Variants in KIRREL3 observed in about 807,000 individuals in gnomAD.
KIRREL3 encodes kin of IRRE-like protein 3.
Under a neutral mutation model 89.7 loss-of-function variants are expected in KIRREL3, and 36 were observed. The ratio of observed to expected loss-of-function variants is 0.40; its 90% CI spans 0.31 to 0.53. KIRREL3 has a LOEUF of 0.53. Ranked by LOEUF, KIRREL3 falls within the 20% of genes least tolerant of loss-of-function variation. The pLI, the probability that KIRREL3 is intolerant of heterozygous loss-of-function variation, is 0.49. For synonymous variants in KIRREL3, 445 were observed against 441.4 expected, an observed-to-expected ratio of 1.01 and a Z score of -0.10; for missense variants, 864 against 1,056.6, an observed-to-expected ratio of 0.82 and a Z score of 2.53.
intron 1 of KIRREL3, among the ~76,000 whole-genome samples, chr11:126,741,294 T>A (rs962437952): frequency 6.6e-6 from 1 of 152,204 alleles, no homozygotes; most frequent in African/African-American, 2.4e-5. Context: ...GATATTAATA[T>A]GCATATAATT....
chr11:126,567,995 T>G (rs1024265404), intron 1 of KIRREL3, among the ~76,000 whole-genome samples: 1 of 152,098 alleles, frequency 6.6e-6, no homozygotes, highest in African/African-American at 2.4e-5. Flanking sequence ...AGTTCAGGTG[T>G]GCTTGCTGAA....
chr11:126,539,759 C>G (rs1211590912), intron 2 of KIRREL3, among the ~76,000 whole-genome samples: 1 of 152,138 alleles, frequency 6.6e-6, no homozygotes, highest in African/African-American at 2.4e-5. Flanking sequence ...GTAGTTGGGT[C>G]AATGGTTCTG....
At chr11:126,588,938 A>AAG (rs1942003041) in intron 1 of KIRREL3, among the ~76,000 whole-genome samples, 2 of 152,078 alleles carry the variant, frequency 1.3e-5, no homozygotes, top group Non-Finnish European at 2.9e-5. Context: ...TCCAGCAGGG[A>AAG]GCTTGCTGCA....
chr11:126,690,563 T>C (rs1300597299), intron 1 of KIRREL3, among the ~76,000 whole-genome samples: 1 of 152,116 alleles, frequency 6.6e-6, no homozygotes, highest in African/African-American at 2.4e-5. Context: ...GTTTTCTGGG[T>C]GTCCCTAGGT....
intron 1 of KIRREL3, among the ~76,000 whole-genome samples, chr11:126,585,026 C>T (rs1208268583): frequency 1.3e-5 from 2 of 151,716 alleles, no homozygotes; most frequent in Admixed American, 1.3e-4. Flanking sequence ...TTACGCCATT[C>T]TCCTGCCTCA....
chr11:126,438,587 C>T (rs1279884494), intron 11 of KIRREL3, among the ~76,000 whole-genome samples: 2 of 152,190 alleles, frequency 1.3e-5, no homozygotes, highest in East Asian at 3.8e-4. Flanking sequence ...GGCCTAGAAT[C>T]AGATATTTCT....
rs77772313 is a variant in KIRREL3, at chr11:126,803,912, T to G, written c.55+196543A>C. 1.1e-3 allele frequency among the ~76,000 whole-genome samples: 160 copies of G among 152,300 alleles called. 2 individuals carry two copies. The East Asian group carries it at 0.024, about 23-fold the overall frequency. ...AAGGCAATGGGTAATAACATCAAAT[T>G]GGAAGCGGGCCCTTTGTGGTCAGAC... On this transcript the variant is annotated intron_variant, in intron 1 of 16. Transcript: ENST00000525144.
intron 6 of KIRREL3, among the ~76,000 whole-genome samples, chr11:126,460,781 G>T (rs1053441107): frequency 1.3e-5 from 2 of 152,194 alleles, no homozygotes; most frequent in African/African-American, 4.8e-5. Flanking sequence ...TGCCTGGAGA[G>T]GTTCTCCTGG....
rs2134847319 is a variant in KIRREL3, at chr11:126,623,066, A to G, written c.56-60154T>C. On this transcript the variant is annotated intron_variant, in intron 1 of 16. Transcript: ENST00000525144. The surrounding 1 kb of genome is among the most constrained non-coding windows in gnomAD (Gnocchi z 4.1). ...CTAATATGATATTTACAATTTACAA[A>G]GCGTTATCCACTAGTTATCTCACTG... Among the ~76,000 whole-genome samples, 1 of 152,284 alleles carries G rather than the reference A, an allele frequency of 6.6e-6. No individual in the cohort carries two copies. The highest frequency in any genetic ancestry group is 1.9e-4 in the East Asian group (1 of 5,184).
chr11:126,858,631 G>C (rs1438542004), intron 1 of KIRREL3, among the ~76,000 whole-genome samples: 2 of 152,160 alleles, frequency 1.3e-5, no homozygotes, highest in Non-Finnish European at 2.9e-5. Context: ...TAAGAGGTCA[G>C]TAGCAGTGTC....
chr11:126,790,221 G>A (rs75383566), intron 1 of KIRREL3, among the ~76,000 whole-genome samples: 106 of 152,268 alleles, frequency 7.0e-4, no homozygotes, highest in African/African-American at 2.2e-3. Context: ...TGAGGTCACC[G>A]AACATTGCAC....
intron 6 of KIRREL3, among the ~76,000 whole-genome samples, chr11:126,460,084 T>G (rs1956493677): frequency 7.1e-6 from 1 of 139,878 alleles, no homozygotes; most frequent in Non-Finnish European, 1.5e-5. Context: ...AATGAACAAA[T>G]GAATAAATGG....
intron 1 of KIRREL3, among the ~76,000 whole-genome samples, chr11:126,810,255 T>A (rs1367984475): frequency 3.3e-5 from 5 of 152,120 alleles, no homozygotes; most frequent in Non-Finnish European, 5.9e-5. Context: ...AAAATAAATC[T>A]TCTATTCACA....
At position 126,498,923 on chromosome 11, in the gene KIRREL3, G is replaced by A. The variant is rs1957762684; in HGVS notation, c.433+22392C>T. 6.6e-6 allele frequency among the ~76,000 whole-genome samples: 1 copy of A among 152,232 alleles called. No homozygotes were observed. Among genetic ancestry groups the A allele is most frequent in the African/African-American group, 2.4e-5 (1 of 41,462 alleles). On this transcript the variant is annotated intron_variant, in intron 4 of 16. Transcript: ENST00000525144. The surrounding 1 kb of genome is among the most constrained non-coding windows in gnomAD (Gnocchi z 4.3). ...GGTCCGCCTGTAATCCCAGCACTTT[G>A]GGAGGTGGAGGCGGGTGGATCACCT...
At position 126,772,320 on chromosome 11, in the gene KIRREL3, G is replaced by T. The variant is rs1950043440; in HGVS notation, c.56-209408C>A. On this transcript the variant is annotated intron_variant, in intron 1 of 16. Transcript: ENST00000525144. The surrounding 1 kb of genome is among the most constrained non-coding windows in gnomAD (Gnocchi z 4.6). Reference sequence around the variant, plus strand: ...TGTAAGACCAGACTCTTAAATTCAAGGCAGCTAAGACCGGTTCAGGGACAG... The same window carrying T: ...TGTAAGACCAGACTCTTAAATTCAATGCAGCTAAGACCGGTTCAGGGACAG... Among the ~76,000 whole-genome samples, 1 of 152,188 alleles carries T rather than the reference G, an allele frequency of 6.6e-6. No individual in the cohort carries two copies. The highest frequency in any genetic ancestry group is 2.4e-5 in the African/African-American group (1 of 41,442).
At chr11:126,842,317 C>T (rs1310719999) in intron 1 of KIRREL3, among the ~76,000 whole-genome samples, 4 of 152,162 alleles carry the variant, frequency 2.6e-5, no homozygotes, top group Non-Finnish European at 4.4e-5. Flanking sequence ...TTTCTATGAG[C>T]TCATTTTAGA....
chr11:126,826,196 C>T (rs1272791824), intron 1 of KIRREL3, among the ~76,000 whole-genome samples: 8 of 152,158 alleles, frequency 5.3e-5, no homozygotes, highest in Non-Finnish European at 1.2e-4. Flanking sequence ...ACCTGCTTTT[C>T]TTGCTAGATA....
intron 1 of KIRREL3, among the ~76,000 whole-genome samples, chr11:126,818,738 T>G (rs2134446440): frequency 6.6e-6 from 1 of 152,226 alleles, no homozygotes; most frequent in East Asian, 1.9e-4. Flanking sequence ...ACAGATATTC[T>G]CCTGCAAACA....
rs1236245569 is a variant in KIRREL3 at position 126,612,499 on chromosome 11, C to T, written c.56-49587G>A. The stretch of plus-strand genomic sequence containing the variant: ...GGGGTTAGTCTTTTTTAAGTACATT[C>T]GTTAAAAAAGAGATGTTGTTCATAT... On this transcript the variant is annotated intron_variant, in intron 1 of 16. Transcript: ENST00000525144. This position sits in a 1 kb window ranked among gnomAD's most constrained non-coding sequence, Gnocchi z 4.5. 6.6e-6 allele frequency among the ~76,000 whole-genome samples: 1 copy of T among 152,104 alleles called. No homozygotes were observed.
Sources: allele counts gnomAD v4.1 joint callset (sites outside exome capture counted in the v4.1 genomes callset), GRCh38; gene constraint gnomAD v4.1.1; non-coding constraint Gnocchi (gnomAD v3.1); transcripts MANE v1.5; gene names NCBI Gene and HGNC (gene_info 2026-07-23, HGNC 2026-07-21).